The following TMEM33 variants were observed in gnomAD, a reference collection of about 807,000 sequenced individuals.
TMEM33 encodes transmembrane protein 33.
Under a neutral mutation model 29.7 loss-of-function variants are expected in TMEM33, and 16 were observed. The observed-to-expected ratio is 0.54, with a 90% CI of 0.36 to 0.82. The LOEUF (loss-of-function observed/expected upper bound fraction) is 0.82. TMEM33 is among the 40% of genes least tolerant of loss of function. The probability of loss-of-function intolerance (pLI) is 0.00; values close to 1 mark genes in which losing one functional copy is unlikely to be tolerated. For synonymous variants in TMEM33, 112 were observed against 109.4 expected, an observed-to-expected ratio of 1.02 and a Z score of -0.15; for missense variants, 252 against 295.3, an observed-to-expected ratio of 0.85 and a Z score of 1.08.
chr4:41,941,395 A>G (rs369467730), intron 3 of TMEM33, among the ~76,000 whole-genome samples: 25 of 152,326 alleles, frequency 1.6e-4, no homozygotes, highest in East Asian at 1.5e-3. Context: ...CATGCCTTTT[A>G]GTAGCTTAAA....
At chr4:41,953,231 T>C (rs16853805) in intron 6 of TMEM33, among the ~76,000 whole-genome samples, 30,208 of 152,142 alleles carry the variant, frequency 0.2, 4,641 homozygotes, top group African/African-American at 0.43. Context: ...CCTTCATGAG[T>C]ATTTGTTTAG....
rs1203875743 is a variant in TMEM33 at position 41,944,933 on chromosome 4, A to G, written c.530+7A>G. 1 of 1,607,350 alleles carries G rather than the reference A, an allele frequency of 6.2e-7. No individual in the cohort carries two copies. The highest frequency in any genetic ancestry group is 2.2e-5 in the East Asian group (1 of 44,742). ...CAGTTTTTATGCTTTTTAGGTAAGG[A>G]AAAATTATATTTGTTTTGGGAGGCT... On this transcript the variant is annotated splice_region_variant and intron_variant, in intron 5 of 6. Coordinates refer to ENST00000504986, the MANE Select transcript of TMEM33 (RefSeq NM_018126.3).
At chr4:41,949,896 G>A (rs1425528582) in intron 6 of TMEM33, among the ~76,000 whole-genome samples, 1 of 152,102 alleles carries the variant, frequency 6.6e-6, no homozygotes, top group Non-Finnish European at 1.5e-5. Flanking sequence ...CATTTTAGGT[G>A]GGGCAAGAGA....
At position 41,957,904 on chromosome 4, in the gene TMEM33, T is replaced by G. The variant is rs1037705554; in HGVS notation, c.*3705T>G. On this transcript the variant is annotated 3_prime_UTR_variant, in exon 7 of 7. Coordinates refer to ENST00000504986, the MANE Select transcript of TMEM33 (RefSeq NM_018126.3). ...TCACATGATGTGTTTGAAGGTTAAA[T>G]GCCACCAAAAGTGCTGAGTCAGCTA... 4 of 152,212 alleles carry G rather than the reference T, an allele frequency of 2.6e-5. No individual in the cohort carries two copies. Among genetic ancestry groups the G allele is most frequent in the African/African-American group, 4.8e-5 (2 of 41,438 alleles). The allele number at this position is 152,212 out of a possible 1,614,324, so 9.4% of individuals were successfully genotyped here.
rs1283615888 is a variant in TMEM33 at position 41,938,615 on chromosome 4, C to G, written c.59C>G (p.Thr20Ser). 6.2e-7 allele frequency: 1 copy of G among 1,613,858 alleles called. No individual in the cohort carries two copies. ...QGAGAVQFMM[T>S]NKLDTAMWLS... is the part of the protein sequence containing the mutation. ...TTTTAAATTTAGCAATTCATGATGA[C>G]CAATAAACTGGACACGGCAATGTGG... Residue 20 changes from threonine to serine, a missense_variant, in exon 2 of 7, where the codon ACC becomes AGC. Thr to Ser is a moderately conservative substitution (Grantham distance 58, BLOSUM62 1). Coordinates refer to ENST00000504986, the MANE Select transcript of TMEM33 (RefSeq NM_018126.3).
At chr4:41,942,021 A>T (rs1167147569) in intron 3 of TMEM33, among the ~76,000 whole-genome samples, 1 of 152,226 alleles carries the variant, frequency 6.6e-6, no homozygotes, top group Non-Finnish European at 1.5e-5. Flanking sequence ...TTGCCAGAGC[A>T]TGAAACTTGA....
rs574212423 is a variant in TMEM33 at position 41,948,525 on chromosome 4, T to G, written c.531-777T>G. Among the ~76,000 whole-genome samples, 4 of 152,218 alleles carry G rather than the reference T, an allele frequency of 2.6e-5. No homozygotes were observed. The East Asian group carries it at 7.7e-4, about 29-fold the overall frequency. On this transcript the variant is annotated intron_variant, in intron 5 of 6. Transcript: ENST00000504986. Reference sequence around the variant, plus strand: ...GGCTAAAAAACCTAATAAAACACATTTGGCATCTTAATATATTTCTTCCAA... The same window carrying G: ...GGCTAAAAAACCTAATAAAACACATGTGGCATCTTAATATATTTCTTCCAA...
At chr4:41,949,493 C>A in intron 6 of TMEM33, 108 bp downstream of exon 6, 2 of 866,532 alleles carry the variant, frequency 2.3e-6, no homozygotes, top group Non-Finnish European at 3.4e-6. Context: ...ACTTTAGAAG[C>A]AAGCAGTGTT....
At chr4:41,945,841 C>T (rs1231449475) in intron 5 of TMEM33, among the ~76,000 whole-genome samples, 1 of 151,686 alleles carries the variant, frequency 6.6e-6, no homozygotes, top group Non-Finnish European at 1.5e-5. Context: ...CATGGTGGTG[C>T]ACACCTGTAA....
rs1209162797 is a variant in TMEM33 at position 41,944,870 on chromosome 4, A to C, written c.474A>C (p.Lys158Asn). Residue 158 changes from lysine to asparagine, a missense_variant, in exon 5 of 7, where the codon AAA becomes AAC. By Grantham distance (94) the Lys-to-Asn change is moderately conservative (BLOSUM62 0). Transcript: ENST00000504986. ...GTGCTAATCAACAAAATATTCTGAA[A>C]TTCATTGCTTGCAATGAAATATTCC... ...KLSANQQNIL[K>N]FIACNEIFLM... 1 of 1,613,498 alleles carries C rather than the reference A, an allele frequency of 6.2e-7. No individual in the cohort carries two copies. The highest frequency in any genetic ancestry group is 2.2e-5 in the East Asian group (1 of 44,762).
intron 6 of TMEM33, among the ~76,000 whole-genome samples, chr4:41,950,769 C>T (rs183303206): frequency 6.6e-6 from 1 of 152,264 alleles, no homozygotes; most frequent in Admixed American, 6.5e-5. Flanking sequence ...CTTGCCCTGA[C>T]ATCTGTTATT....
intron 3 of TMEM33, among the ~76,000 whole-genome samples, chr4:41,940,046 C>T (rs369235374): frequency 1.6e-3 from 130 of 81,382 alleles, no homozygotes; most frequent in Admixed American, 2.7e-3. Flanking sequence ...GTTAAACTTT[C>T]TTTTTTTTTT....
chr4:41,947,442 G>A (rs941946261), intron 5 of TMEM33, among the ~76,000 whole-genome samples: 8 of 152,136 alleles, frequency 5.3e-5, no homozygotes, highest in Non-Finnish European at 1.0e-4. Flanking sequence ...TGAATTTTTT[G>A]TTAGGAGCAC....
chr4:41,941,474 A>G lies in TMEM33; in HGVS notation c.328+2091A>G, dbSNP rs565688127. Among the ~76,000 whole-genome samples the G allele has an allele frequency of 2.6e-5, 4 of 152,376 alleles. No individual in the cohort carries two copies. The South Asian group carries it at 8.3e-4, about 32-fold the overall frequency. On this transcript the variant is annotated intron_variant, in intron 3 of 6. Transcript: ENST00000504986. ...AATGTAGGGTAAACTGAATACGTCA[A>G]TAACTTTGGGAACAGTGCCTCACAC...
In TMEM33 at chr4:41,960,455, A is replaced by G. The variant is rs1433872222; in HGVS notation, c.*6256A>G. 1 of 152,168 alleles carries G rather than the reference A, an allele frequency of 6.6e-6. No individual in the cohort carries two copies. The highest frequency in any genetic ancestry group is 1.9e-4 in the East Asian group (1 of 5,204). The allele number at this position is 152,168 out of a possible 1,614,324, so 9.4% of individuals were successfully genotyped here. On this transcript the variant is annotated 3_prime_UTR_variant, in exon 7 of 7. Coordinates refer to ENST00000504986, the MANE Select transcript of TMEM33 (RefSeq NM_018126.3). The stretch of plus-strand genomic sequence containing the variant: ...ACTGTATATGCTTTGTATGTCTAAT[A>G]TTTATTTCAATGCAAATTCAATTGT...
chr4:41,937,554 T>C (rs1712299941), intron 1 of TMEM33, among the ~76,000 whole-genome samples: 1 of 150,780 alleles, frequency 6.6e-6, no homozygotes, highest in Admixed American at 6.6e-5. Context: ...AGACTTCAGG[T>C]AGACCCATTA....
chr4:41,947,428 A>G (rs1456323721), intron 5 of TMEM33, among the ~76,000 whole-genome samples: 1 of 152,150 alleles, frequency 6.6e-6, no homozygotes, highest in Non-Finnish European at 1.5e-5. Context: ...CTTTGGAACT[A>G]TAGTGAATTT....
chr4:41,935,343 A>T, upstream of TMEM33: 1 of 888,928 alleles, frequency 1.1e-6, no homozygotes, highest in Non-Finnish European at 1.8e-6. Context: ...GGAGGCTCAG[A>T]GTTCCGGCAG....
intron 3 of TMEM33, among the ~76,000 whole-genome samples, chr4:41,940,055 T>C (rs1420569475): frequency 2.1e-5 from 3 of 143,688 alleles, no homozygotes; most frequent in African/African-American, 7.8e-5. Context: ...TCTTTTTTTT[T>C]TTTTTTTTTT....
Sources: gnomAD v4.1 joint callset for allele counts (sites outside exome capture counted in the v4.1 genomes callset) on GRCh38, gnomAD v4.1.1 for gene constraint, MANE v1.5 for transcripts, NCBI Gene and HGNC (gene_info 2026-07-23, HGNC 2026-07-21) for gene names.